WWTR1: variants seen among roughly 807,000 people sequenced by gnomAD.
WWTR1 encodes WW domain containing transcription regulator 1.
WWTR1 carries 13 observed loss-of-function variants against 40.1 expected under a neutral mutation model. The ratio of observed to expected loss-of-function variants is 0.32; its 90% confidence interval spans 0.21 to 0.52. The LOEUF (loss-of-function observed/expected upper bound fraction) is 0.52. Ranked by LOEUF, WWTR1 falls within the 20% of genes least tolerant of loss-of-function variation. The pLI is 0.97. For missense variants in WWTR1, 436 were observed against 523.1 expected (o/e 0.83, Z 1.63); for synonymous variants, 230 against 210.1 (o/e 1.09, Z -0.82).
chr3:149,713,415 C>T (rs984916999), intron 5 of WWTR1, among the ~76,000 whole-genome samples: 6 of 151,918 alleles, frequency 3.9e-5, no homozygotes, highest in Non-Finnish European at 5.9e-5. Context: ...GCGTCTCGCT[C>T]TGTTGCCCAG....
chr3:149,613,826 G>T (rs1202573632), intron 2 of WWTR1, among the ~76,000 whole-genome samples: 3 of 152,092 alleles, frequency 2.0e-5, no homozygotes, highest in Admixed American at 2.0e-4. Context: ...TATTAGTGGT[G>T]TGAGCCACTA....
chr3:149,714,079 A>C (rs1715539234), intron 5 of WWTR1, among the ~76,000 whole-genome samples: 1 of 152,198 alleles, frequency 6.6e-6, no homozygotes, highest in Non-Finnish European at 1.5e-5. Flanking sequence ...GCAGAAGAGC[A>C]GTGCGGTCGG....
chr3:149,568,551 A>AAAAAAAAAAAAAAC (rs1560064496), intron 3 of WWTR1, among the ~76,000 whole-genome samples: 2 of 72,266 alleles, frequency 2.8e-5, no homozygotes, highest in Non-Finnish European at 5.5e-5. Context: ...AAAAAAAAAA[A>AAAAAAAAAAAAAAC]AAAAAAAAAC....
intron 2 of WWTR1, chr3:149,576,286 C>T (rs914437927): frequency 8.5e-6 from 3 of 351,274 alleles, no homozygotes; most frequent in Non-Finnish European, 1.7e-5. Flanking sequence ...ACTAAATTCT[C>T]CTATTGTTCT....
upstream of WWTR1, chr3:149,658,654 C>G (rs1713414353): frequency 6.6e-6 from 1 of 152,342 alleles, no homozygotes; most frequent in African/African-American, 2.4e-5. Flanking sequence ...TCTGCTAGAG[C>G]ACAGACGGTG....
intron 4 of WWTR1, among the ~76,000 whole-genome samples, chr3:149,530,289 A>G (rs1263158981): frequency 6.6e-6 from 1 of 151,994 alleles, no homozygotes; most frequent in African/African-American, 2.4e-5. Flanking sequence ...CGGAGGTTGC[A>G]TTGAGCCGAG....
intron 4 of WWTR1, among the ~76,000 whole-genome samples, chr3:149,541,985 G>A (rs1433643407): frequency 1.3e-5 from 2 of 152,248 alleles, no homozygotes; most frequent in East Asian, 1.9e-4. Flanking sequence ...AAAATTGTGC[G>A]ATATAATGAA....
chr3:149,559,293 C>CAAAAAAAAAAAAAAAAAAAAAAA (rs57470539), intron 3 of WWTR1, among the ~76,000 whole-genome samples: 3 of 58,102 alleles, frequency 5.2e-5, no homozygotes, highest in Non-Finnish European at 6.7e-5. Flanking sequence ...GACTCCATCT[C>CAAAAAAAAAAAAAAAAAAAAAAA]AAAAAAAAAA....
At chr3:149,564,086 C>T (rs1183620766) in intron 3 of WWTR1, among the ~76,000 whole-genome samples, 2 of 152,182 alleles carry the variant, frequency 1.3e-5, no homozygotes, top group Non-Finnish European at 2.9e-5. Context: ...GGCTCCCACA[C>T]CTGGCTGATG....
chr3:149,571,586 G>A (rs1737632678), intron 3 of WWTR1, among the ~76,000 whole-genome samples: 1 of 152,184 alleles, frequency 6.6e-6, no homozygotes, highest in East Asian at 1.9e-4. Context: ...AAGCTTTAAA[G>A]CAGTAGGTTC....
upstream of WWTR1, among the ~76,000 whole-genome samples, chr3:149,661,635 G>A (rs1713580151): frequency 6.6e-6 from 1 of 151,778 alleles, no homozygotes; most frequent in East Asian, 1.9e-4. Flanking sequence ...TGTTGGCCAG[G>A]CTGATCTTGA....
In WWTR1 at chr3:149,672,444, G is replaced by A. The variant is rs534307877; in HGVS notation, c.-107-2553C>T. Among the ~76,000 whole-genome samples the A allele has an allele frequency of 8.5e-5, 13 of 152,322 alleles. No individual in the cohort carries two copies. In the South Asian group the frequency reaches 2.7e-3, roughly 32 times the overall value. The stretch of plus-strand genomic sequence containing the variant: ...GGAAAAGTAGGCTACCTACGTACCC[G>A]AAGGAGGGTGGAACAAATTGTGGGA... On this transcript the variant is annotated intron_variant, in intron 1 of 7. Transcript: ENST00000465804.
chr3:149,543,602 A>AAAAAAAAAAAAAAAAAAAAAAT (rs1736236694), intron 3 of WWTR1, among the ~76,000 whole-genome samples: 1 of 147,860 alleles, frequency 6.8e-6, no homozygotes, highest in Non-Finnish European at 1.5e-5. Flanking sequence ...AAAAAAAAAA[A>AAAAAAAAAAAAAAAAAAAAAAT]AGAACTTCAC....
At chr3:149,679,989 C>T (rs1714402151) in intron 1 of WWTR1, among the ~76,000 whole-genome samples, 1 of 152,146 alleles carries the variant, frequency 6.6e-6, no homozygotes, top group Admixed American at 6.5e-5. Context: ...GCTGGTCTCT[C>T]CTTCTACTTG....
chr3:149,710,444 A>G (rs1262104849), intron 5 of WWTR1, among the ~76,000 whole-genome samples: 30 of 152,084 alleles, frequency 2.0e-4, no homozygotes, highest in Admixed American at 2.0e-3. Context: ...TCTAAGGCAG[A>G]TAACATCTGT....
chr3:149,719,650 C>T (rs1226067383), intron 4 of WWTR1, among the ~76,000 whole-genome samples: 3 of 152,194 alleles, frequency 2.0e-5, no homozygotes, highest in Non-Finnish European at 1.5e-5. Flanking sequence ...ACTGCTGGAT[C>T]ATATGGTAAA....
intron 2 of WWTR1, among the ~76,000 whole-genome samples, chr3:149,605,155 C>T (rs1056863433): frequency 7.9e-5 from 12 of 152,268 alleles, no homozygotes; most frequent in African/African-American, 2.9e-4. Flanking sequence ...GTCACAGGGC[C>T]TCTCATAAGC....
chr3:149,607,598 G>A (rs1739547648), intron 2 of WWTR1, among the ~76,000 whole-genome samples: 1 of 152,238 alleles, frequency 6.6e-6, no homozygotes, highest in South Asian at 2.1e-4. Flanking sequence ...ACAGGTGTGA[G>A]CCACTGCACC....
At chr3:149,702,850 T>A (rs991073474) in intron 1 of WWTR1, 2 of 152,220 alleles carry the variant, frequency 1.3e-5, no homozygotes, top group Admixed American at 1.3e-4. Flanking sequence ...TCTGTTTTGT[T>A]GTGAGACTGG....
Sources: allele counts gnomAD v4.1 joint callset (sites outside exome capture counted in the v4.1 genomes callset), GRCh38; gene constraint gnomAD v4.1.1; transcripts MANE v1.5; gene names NCBI Gene and HGNC (gene_info 2026-07-23, HGNC 2026-07-21).